POLR3GL: variants seen among roughly 807,000 people sequenced by gnomAD.
The protein encoded by POLR3GL is DNA-directed RNA polymerase III subunit RPC7-like.
In POLR3GL, 26 loss-of-function variants were observed where a neutral mutation model predicts 32.4. That is an observed-to-expected ratio of 0.80 (90% confidence interval 0.59 to 1.11). The LOEUF is 1.11. Ranked by LOEUF, POLR3GL falls within the 50% of genes most tolerant of loss-of-function variation. The pLI is 0.00. For missense variants in POLR3GL, 229 were observed against 280.1 expected (o/e 0.82, Z 1.30); for synonymous variants, 95 against 98.7 (o/e 0.96, Z 0.22).
At chr1:145,973,194 T>C (rs1381477942) in intron 1 of POLR3GL, among the ~76,000 whole-genome samples, 1 of 152,178 alleles carries the variant, frequency 6.6e-6, no homozygotes, top group African/African-American at 2.4e-5. Flanking sequence ...TCATTGCTAC[T>C]GGGATATCAT....
chr1:145,975,256 A>G (rs1553763222), intron 2 of POLR3GL, 51 bp from the exon 3 acceptor site: 1 of 1,587,766 alleles, frequency 6.3e-7, no homozygotes, highest in Non-Finnish European at 8.6e-7. Context: ...GTCTTCCTAA[A>G]TTTGTACTAG....
intron 1 of POLR3GL, among the ~76,000 whole-genome samples, chr1:145,966,097 C>G (rs1313720796): frequency 4.8e-5 from 4 of 84,148 alleles, no homozygotes; most frequent in Non-Finnish European, 8.5e-5. Flanking sequence ...GCCTGGGCAA[C>G]AAGAGCAAAA....
chr1:145,973,361 TG>T (rs1291145200), intron 1 of POLR3GL, among the ~76,000 whole-genome samples: 28 of 152,118 alleles, frequency 1.8e-4, no homozygotes, highest in Non-Finnish European at 1.2e-4. Flanking sequence ...TATACTGTCT[TG>T]GGGGGAGAAT....
intron 1 of POLR3GL, among the ~76,000 whole-genome samples, chr1:145,969,657 A>G (rs1446871256): frequency 6.6e-6 from 1 of 151,032 alleles, no homozygotes; most frequent in African/African-American, 2.4e-5. Flanking sequence ...ATGGTGGCTC[A>G]TGCCTGTAAT....
intron 3 of POLR3GL, among the ~76,000 whole-genome samples, chr1:145,976,299 C>T (rs1650550960): frequency 6.6e-6 from 1 of 151,226 alleles, no homozygotes; most frequent in Non-Finnish European, 1.5e-5. Flanking sequence ...AAAAAAAAGG[C>T]CAGGTGTGGT....
chr1:145,974,785 C>T (rs587618629), intron 1 of POLR3GL, 40 bp from the exon 2 acceptor site: 13 of 1,330,056 alleles, frequency 9.8e-6, no homozygotes, highest in Middle Eastern at 2.0e-4. Flanking sequence ...CCTGTCCATT[C>T]TACTACATTT....
rs782489820 is a variant in POLR3GL, at chr1:145,978,049, A to G, written c.523A>G (p.Lys175Glu). ...TGAGGAGAAAGAAGAAGAAGAAGAG[A>G]AGGAAGAGGAGGAAGAAGAAGAGTA... ...EDEEKEEEEE[K>E]EEEEEEEYDE... Residue 175 changes from lysine (K) to glutamate (E), a missense_variant, in exon 7 of 8, where the codon AAG becomes GAG. Physicochemically the swap from Lys to Glu is moderately conservative, Grantham distance 56 (BLOSUM62 1). Transcript: ENST00000369314. 26 of 1,599,442 alleles carry G rather than the reference A, an allele frequency of 1.6e-5. No individual in the cohort carries two copies. The highest frequency in any genetic ancestry group is 2.2e-5 in the Non-Finnish European group (26 of 1,167,350).
At chr1:145,964,870 C>G (rs2101924143) in intron 1 of POLR3GL, 102 bp downstream of exon 1, 1 of 152,414 alleles carries the variant, frequency 6.6e-6, no homozygotes, top group East Asian at 1.9e-4. Flanking sequence ...GATCAGCCCC[C>G]TTCTGGCTCC....
At chr1:145,973,904 C>T (rs1553763027) in intron 1 of POLR3GL, among the ~76,000 whole-genome samples, 2 of 149,110 alleles carry the variant, frequency 1.3e-5, no homozygotes, top group East Asian at 2.0e-4. Flanking sequence ...CCTGTAATCC[C>T]AGCACTTTGG....
At chr1:145,977,196 A>G (rs782295673) in intron 4 of POLR3GL, 44 bp downstream of exon 4, 5 of 1,513,532 alleles carry the variant, frequency 3.3e-6, no homozygotes, top group Admixed American at 1.7e-5. Flanking sequence ...TTTCAAATGC[A>G]TGGGATGCTT....
chr1:145,968,862 C>T (rs1476433184), intron 1 of POLR3GL, among the ~76,000 whole-genome samples: 3 of 151,982 alleles, frequency 2.0e-5, no homozygotes, highest in South Asian at 4.2e-4. Context: ...TGAGCCACCA[C>T]GCCCAGCCAA....
At chr1:145,975,479 G>C (rs1553763279) in intron 3 of POLR3GL, 43 bp downstream of exon 3, 2 of 1,601,762 alleles carry the variant, frequency 1.2e-6, no homozygotes, top group Non-Finnish European at 1.7e-6. Flanking sequence ...GCCTTCCATG[G>C]GGAGTGCCCT....
At chr1:145,973,126 C>A (rs1553762923) in intron 1 of POLR3GL, among the ~76,000 whole-genome samples, 1 of 152,010 alleles carries the variant, frequency 6.6e-6, no homozygotes. Context: ...TCCAGAGAGC[C>A]CTGGTTCCTT....
Position 145,978,017 on chromosome 1 carries a change from A to G in POLR3GL, c.491A>G (p.Glu164Gly). Reference protein sequence around the residue: ...LEKKEEEVTSEEDEEKEEEEE... With the variant: ...LEKKEEEVTSGEDEEKEEEEE... ...AAGAAGGAAGAAGAAGTAACTTCAG[A>G]GGAGGATGAGGAGAAAGAAGAAGAA... Residue 164 changes from glutamate (E) to glycine (G), a missense_variant, in exon 7 of 8, where the codon GAG becomes GGG. Physicochemically the swap from Glu to Gly is moderately conservative, Grantham distance 98 (BLOSUM62 -2). Transcript: ENST00000369314. 2 of 1,608,450 alleles carry G rather than the reference A, an allele frequency of 1.2e-6. No individual in the cohort carries two copies. The highest frequency in any genetic ancestry group is 8.5e-7 in the Non-Finnish European group (1 of 1,174,956).
At position 145,977,606 on chromosome 1, in the gene POLR3GL, C is replaced by T. The variant is rs41315691; in HGVS notation, c.382+67C>T. Reference sequence around the variant, plus strand: ...TTCATCAGCCTGAGGGCCGAGGCTGCTGCTGGTCTCACCTTCCATCCCAGT... The same window carrying T: ...TTCATCAGCCTGAGGGCCGAGGCTGTTGCTGGTCTCACCTTCCATCCCAGT... On this transcript the variant is annotated intron_variant, in intron 5 of 7. Coordinates refer to ENST00000369314, the MANE Select transcript of POLR3GL (RefSeq NM_032305.3). 11,760 of 1,463,250 alleles carry T rather than the reference C, an allele frequency of 8.0e-3. 68 individuals are homozygous for T. The highest frequency in any genetic ancestry group is 9.7e-3 in the Non-Finnish European group (10,100 of 1,043,182). The allele number at this position is 1,463,250 out of a possible 1,614,324, so 90.6% of individuals were successfully genotyped here.
intron 1 of POLR3GL, among the ~76,000 whole-genome samples, chr1:145,966,558 C>T (rs782592472): frequency 7.3e-5 from 11 of 150,344 alleles, no homozygotes; most frequent in Non-Finnish European, 1.0e-4. Context: ...GAGGCCAAGG[C>T]GGGTGGATCA....
At chr1:145,972,249 A>G (rs1442963446) in intron 1 of POLR3GL, among the ~76,000 whole-genome samples, 1 of 150,430 alleles carries the variant, frequency 6.6e-6, no homozygotes, top group African/African-American at 2.4e-5. Context: ...GCGTGGTGGC[A>G]CATGCCTGTA....
At chr1:145,977,714 A>C in intron 5 of POLR3GL, 64 bp from the exon 6 acceptor site, 1 of 1,468,534 alleles carries the variant, frequency 6.8e-7, no homozygotes, top group Non-Finnish European at 9.5e-7. Flanking sequence ...TCTTTGCATG[A>C]GGATGGGCTA....
chr1:145,977,252 C>T (rs1258353271), intron 4 of POLR3GL, 100 bp downstream of exon 4: 72 of 1,064,008 alleles, frequency 6.8e-5, no homozygotes, highest in Admixed American at 5.6e-4. Flanking sequence ...TTCCCCGATC[C>T]AGCATCTGCA....
Sources: allele counts gnomAD v4.1 joint callset (sites outside exome capture counted in the v4.1 genomes callset), GRCh38; gene constraint gnomAD v4.1.1; transcripts MANE v1.5; gene names NCBI Gene and HGNC (gene_info 2026-07-23, HGNC 2026-07-21).